SLC8A1: variants seen among roughly 807,000 people sequenced by gnomAD.
SLC8A1 encodes the protein solute carrier family 8 member A1.
A neutral mutation model predicts 68.3 loss-of-function variants in SLC8A1; 18 were observed. The observed-to-expected ratio is 0.26, with a 90% CI of 0.18 to 0.39. The LOEUF is 0.39. SLC8A1 is among the 10% of genes least tolerant of loss of function. The probability of loss-of-function intolerance (pLI) is 1.00; values close to 1 mark genes in which losing one functional copy is unlikely to be tolerated. For missense variants in SLC8A1, 985 were observed against 1,156.7 expected (o/e 0.85, Z 2.15); for synonymous variants, 475 against 415.5 (o/e 1.14, Z -1.74).
chr2:40,352,742 A>AT (rs1019125042), intron 2 of SLC8A1, among the ~76,000 whole-genome samples: 7 of 152,126 alleles, frequency 4.6e-5, no homozygotes, highest in African/African-American at 1.7e-4. Flanking sequence ...CAGTAAAATG[A>AT]TTTTTTTCCG....
chr2:40,194,506 T>TGTGTGCGC lies in SLC8A1; in HGVS notation c.1809-16652_1809-16651insGCGCACAC, dbSNP rs963279052. On this transcript the variant is annotated intron_variant, in intron 2 of 7. Coordinates refer to ENST00000406785, the Ensembl canonical transcript of SLC8A1. ...GTGTGTGTGTGTGTGTGTGTGTGTG[T>TGTGTGCGC]GCGCGCGCAAAGAAAACGAGAGGGA... is the stretch of plus-strand genomic sequence containing the variant. Among the ~76,000 whole-genome samples the TGTGTGCGC allele has an allele frequency of 2.1e-3, 280 of 131,926 alleles. 2 individuals are homozygous for TGTGTGCGC. Among genetic ancestry groups the TGTGTGCGC allele is most frequent in the African/African-American group, 7.3e-3 (272 of 37,132 alleles). 86.5% of individuals were successfully genotyped at this position (131,926 alleles called of 152,430 possible). A position where few individuals can be genotyped will look rare whatever the true frequency, so the allele number is the denominator to read the frequency against.
intron 2 of SLC8A1, among the ~76,000 whole-genome samples, chr2:40,289,813 A>G (rs2068964343): frequency 6.6e-6 from 1 of 152,088 alleles, no homozygotes; most frequent in Non-Finnish European, 1.5e-5. Flanking sequence ...GTGAGCCGAG[A>G]TCGTGCCACT....
chr2:40,432,161 T>C (rs1210831101), intron 1 of SLC8A1, among the ~76,000 whole-genome samples: 2 of 151,992 alleles, frequency 1.3e-5, no homozygotes, highest in Non-Finnish European at 2.9e-5. Flanking sequence ...TAGTTCCAAC[T>C]CCCTTGTGTA....
At chr2:40,253,974 A>G (rs962849679) in intron 2 of SLC8A1, among the ~76,000 whole-genome samples, 1 of 152,180 alleles carries the variant, frequency 6.6e-6, no homozygotes, top group Non-Finnish European at 1.5e-5. Flanking sequence ...GGGTGACTAC[A>G]GTTAATAATA....
At chr2:40,177,036 A>C (rs2048594960) in intron 3 of SLC8A1, among the ~76,000 whole-genome samples, 1 of 75,218 alleles carries the variant, frequency 1.3e-5, no homozygotes, top group African/African-American at 4.5e-5. Context: ...AAAGGACACT[A>C]CTTTTATTTT....
chr2:40,131,014 GT>G (rs5830604), intron 7 of SLC8A1, among the ~76,000 whole-genome samples: 27,459 of 152,192 alleles, frequency 0.18, 2,602 homozygotes, highest in African/African-American at 0.22. Flanking sequence ...TTGTTTATCA[GT>G]GCATTGAAAT....
At chr2:40,292,512 G>T (rs1371345601) in intron 2 of SLC8A1, among the ~76,000 whole-genome samples, 1 of 152,162 alleles carries the variant, frequency 6.6e-6, no homozygotes, top group African/African-American at 2.4e-5. Context: ...TTGGTCACCT[G>T]CCAGGATTTA....
chr2:40,445,964 C>G (rs763074600), intron 1 of SLC8A1, among the ~76,000 whole-genome samples: 1 of 152,186 alleles, frequency 6.6e-6, no homozygotes, highest in Non-Finnish European at 1.5e-5. Flanking sequence ...CTCATTCTCT[C>G]AACCTGCTAC....
intron 2 of SLC8A1, among the ~76,000 whole-genome samples, chr2:40,238,217 T>G (rs2060690105): frequency 6.6e-6 from 1 of 152,134 alleles, no homozygotes; most frequent in Non-Finnish European, 1.5e-5. Context: ...GCTGCCGCCT[T>G]GCAGTTTGAT....
intron 6 of SLC8A1, among the ~76,000 whole-genome samples, chr2:40,151,094 A>G (rs1394611928): frequency 6.6e-6 from 1 of 152,192 alleles, no homozygotes; most frequent in Non-Finnish European, 1.5e-5. Flanking sequence ...ACTTAAGAAC[A>G]CTGAGAGAAA....
intron 6 of SLC8A1, 141 bp downstream of exon 9, chr2:40,160,624 C>T (rs2045502367): frequency 4.3e-6 from 3 of 699,478 alleles, no homozygotes; most frequent in East Asian, 2.7e-5. Context: ...AATGTGCATA[C>T]ATTAACAAAT....
At chr2:40,123,080 A>G (rs2037279239) in intron 7 of SLC8A1, 1 of 152,224 alleles carries the variant, frequency 6.6e-6, no homozygotes, top group Admixed American at 6.5e-5. Context: ...ATGTTCTCAA[A>G]AGGAAATGAT....
At chr2:40,400,286 A>G (rs376846999) in intron 2 of SLC8A1, among the ~76,000 whole-genome samples, 2 of 152,046 alleles carry the variant, frequency 1.3e-5, no homozygotes, top group Non-Finnish European at 2.9e-5. Context: ...ATCATTCATC[A>G]CTACATTTAT....
chr2:40,137,084 G>C (rs891530845), intron 7 of SLC8A1, among the ~76,000 whole-genome samples: 7 of 152,144 alleles, frequency 4.6e-5, no homozygotes, highest in African/African-American at 1.4e-4. Flanking sequence ...TTAGTTTTAA[G>C]TGGCAGAACA....
chr2:40,288,714 G>A (rs2068739402), intron 2 of SLC8A1, among the ~76,000 whole-genome samples: 1 of 151,936 alleles, frequency 6.6e-6, no homozygotes, highest in Admixed American at 6.6e-5. Flanking sequence ...ACTTTTCCTT[G>A]GGGATGGATG....
rs952400367 is a variant in SLC8A1 at position 40,378,033 on chromosome 2, A to G, written c.1808+50440T>C. On this transcript the variant is annotated intron_variant, in intron 2 of 7. Coordinates refer to ENST00000406785, the Ensembl canonical transcript of SLC8A1. ...TGTCATCCATTCATTCATTCATCAA[A>G]TATGTATTAATAACCTGCTGTATGC... Among the ~76,000 whole-genome samples, 11 of 152,246 alleles carry G rather than the reference A, an allele frequency of 7.2e-5. No homozygotes were observed. In the East Asian group the frequency reaches 2.1e-3, roughly 29 times the overall value.
In SLC8A1 at chr2:40,240,488, C is replaced by T. The variant is rs573837571; in HGVS notation, c.1809-62633G>A. 5.3e-5 allele frequency among the ~76,000 whole-genome samples: 8 copies of T among 152,226 alleles called. No individual in the cohort carries two copies. In the South Asian group the frequency reaches 1.2e-3, roughly 24 times the overall value. ...GTTAAGAGGAGTTTTTGAAGCAAAC[C>T]CCACTGTAGTATTAGAGAAATAAAA... On this transcript the variant is annotated intron_variant, in intron 2 of 7. Transcript: ENST00000406785.
At chr2:40,233,645 G>T (rs201026445) in intron 2 of SLC8A1, among the ~76,000 whole-genome samples, 8 of 138,462 alleles carry the variant, frequency 5.8e-5, no homozygotes, top group Non-Finnish European at 9.4e-5. Flanking sequence ...CATTGCTTTT[G>T]GTGTTTTAGA....
At chr2:40,413,627 A>C (rs373370318) in intron 2 of SLC8A1, among the ~76,000 whole-genome samples, 25 of 152,306 alleles carry the variant, frequency 1.6e-4, no homozygotes, top group African/African-American at 5.3e-4. Flanking sequence ...CTTATTTCAA[A>C]TGCAAGTGAA....
Sources: allele counts gnomAD v4.1 joint callset (sites outside exome capture counted in the v4.1 genomes callset), GRCh38; gene constraint gnomAD v4.1.1; transcripts MANE v1.5; gene names NCBI Gene and HGNC (gene_info 2026-07-23, HGNC 2026-07-21).